The following AKR1C3 variants were observed in gnomAD, a reference collection of about 807,000 sequenced individuals.
The protein encoded by AKR1C3 is aldo-keto reductase family 1 member C3.
Under a neutral mutation model 43.6 loss-of-function variants are expected in AKR1C3, and 48 were observed. The ratio of observed to expected loss-of-function variants is 1.10; its 90% confidence interval spans 0.87 to 1.40. The LOEUF is 1.40. AKR1C3 is among the 40% of genes most tolerant of loss of function. The probability of loss-of-function intolerance (pLI) is 0.00; values close to 1 mark genes in which losing one functional copy is unlikely to be tolerated. For missense variants in AKR1C3, 482 were observed against 391.2 expected (o/e 1.23, Z -1.96); for synonymous variants, 162 against 139.6 (o/e 1.16, Z -1.13).
chr10:5,059,599 T>C (rs926926977), intron 1 of AKR1C3, among the ~76,000 whole-genome samples: 1 of 152,208 alleles, frequency 6.6e-6, no homozygotes, highest in Non-Finnish European at 1.5e-5. Context: ...CCAGAAAGCC[T>C]GACACCCGTG....
At position 5,099,380 on chromosome 10, in the gene AKR1C3, C is replaced by G. The variant is rs782171165; in HGVS notation, c.501C>G (p.Asn167Lys). The part of the protein sequence containing the change: ...AGLAKSIGVS[N>K]FNRRQLEMIL... The stretch of plus-strand genomic sequence containing the variant: ...TGGCCAAGTCCATTGGGGTGTCAAA[C>G]TTCAACCGCAGGCAGCTGGAGATGA... The change falls in exon 5 of 9, where the codon AAC becomes AAG. Residue 167 changes from asparagine to lysine, a missense_variant. Physicochemically the swap from Asn to Lys is moderately conservative, Grantham distance 94 (BLOSUM62 0). Coordinates refer to ENST00000380554, the MANE Select transcript of AKR1C3 (RefSeq NM_003739.6). The G allele has an allele frequency of 3.1e-6, 5 of 1,614,050 alleles. No individual in the cohort carries two copies. Among genetic ancestry groups the G allele is most frequent in the Non-Finnish European group, 4.2e-6 (5 of 1,180,048 alleles).
chr10:5,092,378 C>A (rs1663707718), upstream of AKR1C3, among the ~76,000 whole-genome samples: 1 of 151,944 alleles, frequency 6.6e-6, no homozygotes, highest in African/African-American at 2.4e-5. Context: ...AATCTCTCCA[C>A]CCCCATAGGC....
rs1293610449 is a variant in AKR1C3 at position 5,102,535 on chromosome 10, T to G, written c.731T>G (p.Leu244Trp). The change falls in exon 7 of 9, where the codon TTG becomes TGG. Residue 244 changes from leucine to tryptophan, a missense_variant. Leu to Trp is a moderately conservative substitution (Grantham distance 61, BLOSUM62 -2). Transcript: ENST00000380554. ...TTGGAGGACCCAGTCCTTTGTGCCT[T>G]GGCAAAAAAGCACAAGCGAACCCCA... The part of the protein sequence containing the change: ...VLLEDPVLCA[L>W]AKKHKRTPAL... The G allele has an allele frequency of 4.4e-6, 7 of 1,576,052 alleles. No homozygotes were observed. The Admixed American group carries it at 7.1e-5, about 16-fold the overall frequency.
intron 3 of AKR1C3, chr10:5,097,754 T>G: frequency 7.4e-7 from 1 of 1,343,834 alleles, no homozygotes; most frequent in Non-Finnish European, 9.6e-7. Context: ...GAGAAGAGAG[T>G]ACAGCAACCT....
At chr10:5,065,452 T>A (rs1285603496) in intron 1 of AKR1C3, among the ~76,000 whole-genome samples, 2 of 152,202 alleles carry the variant, frequency 1.3e-5, no homozygotes, top group Non-Finnish European at 2.9e-5. Context: ...ATTAGGAGGT[T>A]GGTACTTAGG....
At chr10:5,089,025 A>T (rs1451931534) in intron 1 of AKR1C3, among the ~76,000 whole-genome samples, 2 of 152,082 alleles carry the variant, frequency 1.3e-5, no homozygotes, top group African/African-American at 2.4e-5. Context: ...CTTGTCTGTG[A>T]AAGATGATTT....
chr10:5,094,429 AGACAAGTGACAGGGAAT>A lies in AKR1C3; in HGVS notation c.-14_3del, dbSNP rs755897118. 1,513 of 1,611,778 alleles carry A rather than the reference AGACAAGTGACAGGGAAT, an allele frequency of 9.4e-4. 2 individuals are homozygous for A. Among genetic ancestry groups the A allele is most frequent in the Non-Finnish European group, 1.2e-3 (1,418 of 1,178,228 alleles). The stretch of plus-strand genomic sequence containing the variant: ...AAGCAGCAGCAAACATTTGCTAGTC[AGACAAGTGACAGGGAAT>A]GGATTCCAAACACCAGTGTGTAAAG... On this transcript the variant is annotated start_lost and 5_prime_UTR_variant, in exon 1 of 9. Transcript: ENST00000380554.
intron 1 of AKR1C3, among the ~76,000 whole-genome samples, chr10:5,063,159 AAATATG>A (rs148513931): frequency 0.015 from 2,279 of 152,298 alleles, 26 homozygotes; most frequent in Non-Finnish European, 0.024. Flanking sequence ...TGAAGATTTA[AAATATG>A]AATTTATACA....
intron 1 of AKR1C3, among the ~76,000 whole-genome samples, chr10:5,095,012 C>T (rs530375105): frequency 6.6e-6 from 1 of 151,996 alleles, no homozygotes; most frequent in East Asian, 1.9e-4. Flanking sequence ...CCAGTATTAC[C>T]GGACCTGGAC....
chr10:5,101,763 ATTCTTGCTTTC>A (rs1453630493), intron 5 of AKR1C3, among the ~76,000 whole-genome samples: 2 of 152,142 alleles, frequency 1.3e-5, no homozygotes, highest in Non-Finnish European at 2.9e-5. Flanking sequence ...CCTTGACCAA[ATTCTTGCTTTC>A]TGGCACAATC....
At chr10:5,085,064 T>C (rs1838932820) in intron 1 of AKR1C3, among the ~76,000 whole-genome samples, 1 of 152,184 alleles carries the variant, frequency 6.6e-6, no homozygotes, top group Non-Finnish European at 1.5e-5. Context: ...TTGAATACCC[T>C]TTATTTCCTT....
intron 1 of AKR1C3, among the ~76,000 whole-genome samples, chr10:5,074,827 C>T (rs782095597): frequency 2.0e-5 from 3 of 152,164 alleles, no homozygotes; most frequent in East Asian, 1.9e-4. Flanking sequence ...TTTACAGTTG[C>T]GGTCACCCCA....
intron 7 of AKR1C3, among the ~76,000 whole-genome samples, chr10:5,105,101 T>C (rs984205785): frequency 2.0e-5 from 3 of 152,196 alleles, no homozygotes; most frequent in African/African-American, 7.2e-5. Context: ...CTGTTTCCTT[T>C]AGACATGAAA....
chr10:5,065,951 A>G (rs1838491783), intron 1 of AKR1C3, among the ~76,000 whole-genome samples: 1 of 152,104 alleles, frequency 6.6e-6, no homozygotes, highest in Non-Finnish European at 1.5e-5. Context: ...TGAGGATCAC[A>G]GAACTCTCAC....
chr10:5,095,593 C>T (rs1839187290), intron 1 of AKR1C3, among the ~76,000 whole-genome samples: 1 of 151,056 alleles, frequency 6.6e-6, no homozygotes, highest in Admixed American at 6.6e-5. Context: ...AAAATGAAAA[C>T]AGTTTATTTA....
At chr10:5,085,246 T>G (rs536917149) in intron 1 of AKR1C3, among the ~76,000 whole-genome samples, 2 of 152,118 alleles carry the variant, frequency 1.3e-5, no homozygotes, top group East Asian at 3.9e-4. Context: ...TTGAGATATG[T>G]GCCATCAATA....
intron 1 of AKR1C3, among the ~76,000 whole-genome samples, chr10:5,082,316 A>G (rs1435022487): frequency 6.6e-6 from 1 of 152,082 alleles, no homozygotes; most frequent in Non-Finnish European, 1.5e-5. Flanking sequence ...AGTACTTCCA[A>G]TTTTGTGTTG....
upstream of AKR1C3, among the ~76,000 whole-genome samples, chr10:5,092,323 T>C (rs1196057567): frequency 6.6e-6 from 1 of 152,040 alleles, no homozygotes; most frequent in Admixed American, 6.6e-5. Flanking sequence ...TAGATTAATG[T>C]CTGTTGCCAA....
chr10:5,052,136 C>T (rs189725839), intron 1 of AKR1C3, among the ~76,000 whole-genome samples: 3 of 152,046 alleles, frequency 2.0e-5, no homozygotes, highest in African/African-American at 4.8e-5. Flanking sequence ...GGTGCATGGT[C>T]GCGTTGGCTC....
Sources: gnomAD v4.1 joint callset for allele counts (sites outside exome capture counted in the v4.1 genomes callset) on GRCh38, gnomAD v4.1.1 for gene constraint, MANE v1.5 for transcripts, NCBI Gene and HGNC (gene_info 2026-07-23, HGNC 2026-07-21) for gene names.